DPYD: variants seen among roughly 807,000 people sequenced by gnomAD.
DPYD encodes the protein dihydropyrimidine dehydrogenase.
In DPYD, 109 loss-of-function variants were observed where a neutral mutation model predicts 116.2. The ratio of observed to expected loss-of-function variants is 0.94; its 90% CI spans 0.80 to 1.10. DPYD has a LOEUF of 1.10. Among genes scored for constraint, DPYD ranks in the 50% least tolerant of loss-of-function variants. The pLI is 0.00. For synonymous variants in DPYD, 440 were observed against 432.0 expected, an observed-to-expected ratio of 1.02 and a Z score of -0.23; for missense variants, 1,302 against 1,254.5, an observed-to-expected ratio of 1.04 and a Z score of -0.57.
At chr1:97,401,896 T>C (rs901561368) in intron 14 of DPYD, among the ~76,000 whole-genome samples, 11 of 152,164 alleles carry the variant, frequency 7.2e-5, no homozygotes, top group Admixed American at 7.2e-4. Context: ...TATTCTCCAC[T>C]GAAGTGTCTT....
At chr1:97,720,146 TC>T in intron 5 of DPYD, 1 of 981,918 alleles carries the variant, frequency 1.0e-6, no homozygotes, top group Non-Finnish European at 1.2e-6. Flanking sequence ...TCTCTCTCTC[TC>T]TTTCTCTCTC....
chr1:97,166,921 T>C (rs746348752), intron 20 of DPYD, among the ~76,000 whole-genome samples: 2 of 152,192 alleles, frequency 1.3e-5, no homozygotes, highest in African/African-American at 4.8e-5. Context: ...ACCATATTAT[T>C]TGAGCATTTT....
chr1:97,891,214 C>A (rs536284868), intron 1 of DPYD, among the ~76,000 whole-genome samples: 1 of 151,958 alleles, frequency 6.6e-6, no homozygotes, highest in South Asian at 2.1e-4. Flanking sequence ...TGCATTTTTC[C>A]TAAGAAATGG....
At chr1:97,117,765 A>G (rs1168028197) in intron 20 of DPYD, among the ~76,000 whole-genome samples, 2 of 152,148 alleles carry the variant, frequency 1.3e-5, no homozygotes, top group African/African-American at 2.4e-5. Flanking sequence ...GTACCTTTCT[A>G]TAAGTTGTAA....
chr1:97,627,871 A>T (rs1657024581), intron 8 of DPYD, among the ~76,000 whole-genome samples: 1 of 151,848 alleles, frequency 6.6e-6, no homozygotes, highest in East Asian at 1.9e-4. Context: ...TAACATTATA[A>T]TACTATTAGG....
chr1:97,779,332 G>A (rs1447332946), intron 3 of DPYD, among the ~76,000 whole-genome samples: 1 of 146,188 alleles, frequency 6.8e-6, no homozygotes, highest in African/African-American at 2.5e-5. Context: ...CACACACAAA[G>A]ACTTACAAGC....
intron 9 of DPYD, among the ~76,000 whole-genome samples, chr1:97,594,774 TTTG>T (rs779496042): frequency 3.3e-5 from 5 of 152,180 alleles, no homozygotes; most frequent in Admixed American, 6.5e-5. Context: ...TCTTCCAATG[TTTG>T]TTAAGGACTT....
At chr1:97,274,716 C>T (rs919776800) in intron 18 of DPYD, among the ~76,000 whole-genome samples, 1 of 152,090 alleles carries the variant, frequency 6.6e-6, no homozygotes, top group African/African-American at 2.4e-5. Context: ...GCAAAACGCG[C>T]AATTACTTTT....
intron 19 of DPYD, among the ~76,000 whole-genome samples, chr1:97,195,569 C>CAT (rs1200424384): frequency 0.057 from 2,107 of 37,226 alleles, 113 homozygotes; most frequent in African/African-American, 0.07. Context: ...ACAGAACTCT[C>CAT]ATATATATAT....
intron 19 of DPYD, among the ~76,000 whole-genome samples, chr1:97,217,451 T>C (rs979228714): frequency 6.6e-6 from 1 of 152,170 alleles, no homozygotes; most frequent in Non-Finnish European, 1.5e-5. Context: ...TGATTTTCTG[T>C]ATTTCTAAAT....
chr1:97,548,754 A>C (rs190744075), intron 12 of DPYD, among the ~76,000 whole-genome samples: 1 of 152,100 alleles, frequency 6.6e-6, no homozygotes, highest in Non-Finnish European at 1.5e-5. Flanking sequence ...TAAAAAAATT[A>C]AATTTAATTT....
At chr1:97,245,824 G>T (rs934870178) in intron 18 of DPYD, among the ~76,000 whole-genome samples, 7 of 152,054 alleles carry the variant, frequency 4.6e-5, no homozygotes, top group East Asian at 1.9e-4. Flanking sequence ...TACTCTGTGG[G>T]TGGTTCTATG....
chr1:97,406,045 A>G (rs1171478491), intron 14 of DPYD, among the ~76,000 whole-genome samples: 1 of 152,010 alleles, frequency 6.6e-6, no homozygotes, highest in Admixed American at 6.6e-5. Flanking sequence ...TGGAGTTTTT[A>G]ACTCTCAGAC....
chr1:97,225,538 TA>T (rs1199568475), intron 19 of DPYD, among the ~76,000 whole-genome samples: 1 of 148,906 alleles, frequency 6.7e-6, no homozygotes, highest in Non-Finnish European at 1.5e-5. Flanking sequence ...AGATCCTGAG[TA>T]AAAAATTTTG....
chr1:97,830,721 A>G (rs1306287902), intron 2 of DPYD, among the ~76,000 whole-genome samples: 32 of 151,816 alleles, frequency 2.1e-4, no homozygotes, highest in Admixed American at 6.6e-4. Flanking sequence ...AAAAAAAAAA[A>G]AGAGAGAGAG....
At chr1:97,127,205 G>T (rs1343899693) in intron 20 of DPYD, among the ~76,000 whole-genome samples, 1 of 152,254 alleles carries the variant, frequency 6.6e-6, no homozygotes, top group East Asian at 1.9e-4. Context: ...GACATTCCAA[G>T]CCGTGAGATG....
At chr1:97,618,554 A>C (rs1656439994) in intron 8 of DPYD, among the ~76,000 whole-genome samples, 1 of 151,110 alleles carries the variant, frequency 6.6e-6, no homozygotes, top group Non-Finnish European at 1.5e-5. Flanking sequence ...TTTTTTGTAT[A>C]CTCTGTCAAG....
At position 97,679,165 on chromosome 1, in the gene DPYD, G is replaced by T; in HGVS notation, c.780C>A (p.Ser260Arg). Residue 260 changes from serine (S) to arginine (R), a missense_variant, in exon 8 of 23, where the codon AGC becomes AGA. Ser to Arg is a moderately radical substitution (Grantham distance 110). Transcript: ENST00000370192. ...TAAGAGTCATTTCATTCACTGAAAG[G>T]CTTTTACCGCAAATTATCTATAAGA... ...DLGVKIICGK[S>R]LSVNEMTLST... 1 of 1,574,744 alleles carries T rather than the reference G, an allele frequency of 6.4e-7. No homozygotes were observed. The highest frequency in any genetic ancestry group is 8.7e-7 in the Non-Finnish European group (1 of 1,154,678).
At chr1:97,213,768 T>C (rs144097300) in intron 19 of DPYD, among the ~76,000 whole-genome samples, 49 of 152,298 alleles carry the variant, frequency 3.2e-4, no homozygotes, top group African/African-American at 1.1e-3. Flanking sequence ...CGTCCTCTGT[T>C]TTCTTTATCC....
Sources: gnomAD v4.1 joint callset for allele counts (sites outside exome capture counted in the v4.1 genomes callset) on GRCh38, gnomAD v4.1.1 for gene constraint, MANE v1.5 for transcripts, NCBI Gene and HGNC (gene_info 2026-07-23, HGNC 2026-07-21) for gene names.